The following LPGAT1 variants were observed in gnomAD, a reference collection of about 807,000 sequenced individuals.
LPGAT1 encodes lysophosphatidylglycerol acyltransferase 1, also known as acyl-CoA:lysophosphatidylglycerol acyltransferase 1.
In LPGAT1, 11 loss-of-function variants were observed where a neutral mutation model predicts 47.5. That is an observed-to-expected ratio of 0.23 (90% confidence interval 0.15 to 0.38). LPGAT1 has a LOEUF of 0.38. LPGAT1 is among the 10% of genes least tolerant of loss of function. The probability of loss-of-function intolerance (pLI) is 1.00; values close to 1 mark genes in which losing one functional copy is unlikely to be tolerated. For synonymous variants in LPGAT1, 138 were observed against 144.2 expected (o/e 0.96, Z 0.31); for missense variants, 293 against 439.0 (o/e 0.67, Z 2.97).
At chr1:211,810,148 T>C (rs1475987898) in intron 2 of LPGAT1, among the ~76,000 whole-genome samples, 2 of 152,146 alleles carry the variant, frequency 1.3e-5, no homozygotes, top group African/African-American at 4.8e-5. Flanking sequence ...ACACAGATGG[T>C]AAATATAATT....
intron 3 of LPGAT1, among the ~76,000 whole-genome samples, chr1:211,792,736 G>A (rs1275082280): frequency 3.5e-5 from 3 of 86,546 alleles, no homozygotes; most frequent in African/African-American, 4.8e-5. Flanking sequence ...TTTTTGAGAT[G>A]GAGTCTTGCT....
intron 5 of LPGAT1, among the ~76,000 whole-genome samples, chr1:211,780,512 A>G (rs891923486): frequency 6.6e-6 from 1 of 152,240 alleles, no homozygotes; most frequent in African/African-American, 2.4e-5. Flanking sequence ...ATTTTCAAGC[A>G]TAAGTTCAAA....
chr1:211,792,591 T>C (rs1659167935), intron 3 of LPGAT1, among the ~76,000 whole-genome samples: 1 of 151,738 alleles, frequency 6.6e-6, no homozygotes, highest in Admixed American at 6.6e-5. Context: ...CATTCCCACT[T>C]CTGGGTGACT....
Position 211,748,314 on chromosome 1 carries a change from A to C in LPGAT1, c.*1585T>G, listed in dbSNP as rs1571684482. On this transcript the variant is annotated 3_prime_UTR_variant, in exon 8 of 8. Coordinates refer to ENST00000366997, the MANE Select transcript of LPGAT1 (RefSeq NM_014873.3). ...TGGAGAAGGGTGTGGTTCTCTTATG[A>C]GGTAAATTGTACAAACATCGCAACA... is the stretch of plus-strand genomic sequence containing the variant. The C allele has an allele frequency of 6.6e-6, 1 of 152,500 alleles. No individual in the cohort carries two copies. Among genetic ancestry groups the C allele is most frequent in the East Asian group, 1.9e-4 (1 of 5,204 alleles). 9.4% of individuals were successfully genotyped at this position (152,500 alleles called of 1,614,324 possible). A position where few individuals can be genotyped will look rare whatever the true frequency, so the allele number is the denominator to read the frequency against.
chr1:211,804,570 T>A (rs1339929357), intron 2 of LPGAT1, among the ~76,000 whole-genome samples: 7 of 152,150 alleles, frequency 4.6e-5, no homozygotes, highest in Admixed American at 4.6e-4. Context: ...ATTTTTTAAA[T>A]CAAAAATGAA....
chr1:211,744,696 C>CA lies in LPGAT1; in HGVS notation c.*5202dup, dbSNP rs1656871585. ...TTGTGTTATATGTTCTTGCTATCAG[C>CA]AAAATTTATAACAAACATGTATAGT... On this transcript the variant is annotated 3_prime_UTR_variant, in exon 8 of 8. Coordinates refer to ENST00000366997, the MANE Select transcript of LPGAT1 (RefSeq NM_014873.3). 6.6e-6 allele frequency: 1 copy of CA among 152,132 alleles called. No individual in the cohort carries two copies. Among genetic ancestry groups the CA allele is most frequent in the Non-Finnish European group, 1.5e-5 (1 of 68,024 alleles). The allele number at this position is 152,132 out of a possible 1,614,324, so 9.4% of individuals were successfully genotyped here. A position where few individuals can be genotyped will look rare whatever the true frequency, so the allele number is the denominator to read the frequency against.
intron 4 of LPGAT1, among the ~76,000 whole-genome samples, chr1:211,784,839 T>C (rs1487030234): frequency 6.7e-6 from 1 of 149,440 alleles, no homozygotes; most frequent in Non-Finnish European, 1.5e-5. Context: ...AGTCTCGCTC[T>C]GTTGCCCAGG....
chr1:211,783,179 A>G, intron 5 of LPGAT1, 50 bp downstream of exon 5: 1 of 1,490,384 alleles, frequency 6.7e-7, no homozygotes, highest in Non-Finnish European at 9.0e-7. Context: ...CTGTAACTCC[A>G]GAAAATCCTT....
chr1:211,790,401 C>T (rs12128221), intron 3 of LPGAT1, among the ~76,000 whole-genome samples: 13,186 of 152,084 alleles, frequency 0.087, 664 homozygotes, highest in Admixed American at 0.15. Context: ...ACCATCAAAG[C>T]AATATTTTTC....
At chr1:211,782,045 TCTTTC>T (rs199922635) in intron 5 of LPGAT1, among the ~76,000 whole-genome samples, 3,602 of 152,330 alleles carry the variant, frequency 0.024, 64 homozygotes, top group Non-Finnish European at 0.03. Context: ...CATTTTGGTG[TCTTTC>T]CTTTCACGCA....
At chr1:211,754,178 G>C (rs993984085) in intron 6 of LPGAT1, among the ~76,000 whole-genome samples, 24 of 152,278 alleles carry the variant, frequency 1.6e-4, no homozygotes, top group African/African-American at 5.8e-4. Context: ...ATGTTTGCCA[G>C]GGTAGGGAAA....
In LPGAT1 at chr1:211,829,293, C is replaced by A. The variant is rs1462200591; in HGVS notation, c.4G>T (p.Ala2Ser). The change falls in exon 2 of 8, where the codon GCT (alanine) becomes TCT (serine). Residue 2 changes from alanine to serine, a missense_variant. Transcript: ENST00000366997. MAITLEEAPWLG... is the reference protein window; with the variant it reads MSITLEEAPWLG... Reference sequence around the variant, plus strand: ...CACGGAGCTTCTTCCAAAGTTATAGCCATTCTCACACTGGACTCCGTCCTG... The same window carrying A: ...CACGGAGCTTCTTCCAAAGTTATAGACATTCTCACACTGGACTCCGTCCTG... 1 of 1,614,136 alleles carries A rather than the reference C, an allele frequency of 6.2e-7. No homozygotes were observed. Among genetic ancestry groups the A allele is most frequent in the East Asian group, 2.2e-5 (1 of 44,880 alleles).
In LPGAT1 at chr1:211,830,307, G is replaced by C; in HGVS notation, c.-28+266C>G. ...AGGCGCTGCGCGAGCGGGCGCGCTGGCGCCCTACTCCCCTCGCGGCTGCCT... is the reference window on the plus strand; with the variant it reads ...AGGCGCTGCGCGAGCGGGCGCGCTGCCGCCCTACTCCCCTCGCGGCTGCCT... On this transcript the variant is annotated intron_variant, in intron 1 of 7. Transcript: ENST00000366997. The surrounding 1 kb of genome is among the most constrained non-coding windows in gnomAD (Gnocchi z 5.9). 9.2e-7 allele frequency: 1 copy of C among 1,085,514 alleles called. No homozygotes were observed. The highest frequency in any genetic ancestry group is 1.7e-5 in the African/African-American group (1 of 59,974). 67.2% of individuals were successfully genotyped at this position (1,085,514 alleles called of 1,614,324 possible).
chr1:211,810,724 C>G (rs1659957332), intron 2 of LPGAT1, among the ~76,000 whole-genome samples: 1 of 145,454 alleles, frequency 6.9e-6, no homozygotes, highest in African/African-American at 2.5e-5. Context: ...ACCACAGAAG[C>G]TAGGAAAAGA....
chr1:211,825,251 G>T (rs1477082157), intron 2 of LPGAT1, among the ~76,000 whole-genome samples: 1 of 138,336 alleles, frequency 7.2e-6, no homozygotes, highest in Non-Finnish European at 1.5e-5. Flanking sequence ...GAGTGCAGTG[G>T]CATGATCACA....
chr1:211,829,503 G>T (rs1660651684), intron 1 of LPGAT1, 180 bp from the exon 2 acceptor site: 1 of 1,428,700 alleles, frequency 7.0e-7, no homozygotes, highest in East Asian at 2.5e-5. Context: ...GAGGGAGGAG[G>T]AGCCGCACAA....
Position 211,764,032 on chromosome 1 carries a change from C to T in LPGAT1, c.855-12965G>A, listed in dbSNP as rs12122562. The stretch of plus-strand genomic sequence containing the variant: ...ACTAAAAATACAAAAATTAGCTGAG[C>T]GTGATGGCATGTGCCTGTAATCCCA... On this transcript the variant is annotated intron_variant, in intron 6 of 7. Transcript: ENST00000366997. 4.9e-4 allele frequency among the ~76,000 whole-genome samples: 75 copies of T among 152,154 alleles called. 1 individual carries two copies. Among genetic ancestry groups the T allele is most frequent in the African/African-American group, 1.6e-3 (67 of 41,514 alleles).
intron 2 of LPGAT1, among the ~76,000 whole-genome samples, chr1:211,817,851 AGACAGAGTCTCACTCTGT>A (rs1350453101): frequency 1.3e-5 from 2 of 152,114 alleles, no homozygotes; most frequent in African/African-American, 4.8e-5. Flanking sequence ...TTTTGTTTTG[AGACAGAGTCTCACTCTGT>A]CCAGAGACAG....
intron 6 of LPGAT1, among the ~76,000 whole-genome samples, chr1:211,772,744 C>T (rs1658227458): frequency 6.6e-6 from 1 of 152,068 alleles, no homozygotes; most frequent in South Asian, 2.1e-4. Flanking sequence ...GTGTGATGTG[C>T]ACATGAGATT....
Sources: gnomAD v4.1 joint callset for allele counts (sites outside exome capture counted in the v4.1 genomes callset) on GRCh38, gnomAD v4.1.1 for gene constraint, Gnocchi (gnomAD v3.1) non-coding constraint, MANE v1.5 for transcripts, NCBI Gene and HGNC (gene_info 2026-07-23, HGNC 2026-07-21) for gene names.